IQCJ: variants seen among roughly 807,000 people sequenced by gnomAD.
IQCJ encodes the protein IQ motif containing J.
IQCJ carries 9 observed loss-of-function variants against 11.0 expected under a neutral mutation model. The ratio of observed to expected loss-of-function variants is 0.82; its 90% CI spans 0.49 to 1.43. The LOEUF (loss-of-function observed/expected upper bound fraction) is 1.43. IQCJ is among the 40% of genes most tolerant of loss of function. The probability of loss-of-function intolerance (pLI) is 0.00; values close to 1 mark genes in which losing one functional copy is unlikely to be tolerated. For missense variants in IQCJ, 146 were observed against 133.2 expected (o/e 1.10, Z -0.47); for synonymous variants, 55 against 51.3 (o/e 1.07, Z -0.31).
At chr3:159,125,819 G>T (rs1719648222) in intron 1 of IQCJ, among the ~76,000 whole-genome samples, 1 of 152,188 alleles carries the variant, frequency 6.6e-6, no homozygotes, top group Admixed American at 6.5e-5. Context: ...TGGCAGCCTT[G>T]ACCCCTACAG....
downstream of IQCJ, chr3:159,266,167 C>G (rs1390679014): frequency 3.3e-5 from 5 of 152,146 alleles, no homozygotes; most frequent in East Asian, 9.6e-4. Context: ...GAAAAAGAGA[C>G]TTAAAGAGAT....
At chr3:159,086,112 T>A (rs1424786731) in intron 1 of IQCJ, among the ~76,000 whole-genome samples, 1 of 152,198 alleles carries the variant, frequency 6.6e-6, no homozygotes, top group Non-Finnish European at 1.5e-5. Context: ...AAAGAAGGGA[T>A]CCAGTTTCAG....
chr3:159,188,003 G>A (rs545445011), intron 1 of IQCJ, among the ~76,000 whole-genome samples: 3 of 152,178 alleles, frequency 2.0e-5, no homozygotes, highest in Non-Finnish European at 2.9e-5. Context: ...CCAAGCTACC[G>A]ACCAGAGAGG....
intron 1 of IQCJ, among the ~76,000 whole-genome samples, chr3:159,190,119 C>G (rs982147476): frequency 2.6e-5 from 4 of 152,178 alleles, no homozygotes; most frequent in African/African-American, 9.7e-5. Flanking sequence ...TGATACGTGG[C>G]TGGCCCTAAG....
chr3:159,178,989 T>C (rs1333663254), intron 1 of IQCJ, among the ~76,000 whole-genome samples: 1 of 152,112 alleles, frequency 6.6e-6, no homozygotes, highest in Non-Finnish European at 1.5e-5. Flanking sequence ...TGCATATAAT[T>C]ATGCTAGAAA....
At chr3:159,139,689 C>A (rs1452790413) in intron 1 of IQCJ, among the ~76,000 whole-genome samples, 5 of 152,164 alleles carry the variant, frequency 3.3e-5, no homozygotes, top group African/African-American at 1.2e-4. Flanking sequence ...GGCTGGGACA[C>A]CTGCCAGGGT....
At chr3:159,207,661 A>T (rs1050225158) in intron 1 of IQCJ, among the ~76,000 whole-genome samples, 1 of 152,248 alleles carries the variant, frequency 6.6e-6, no homozygotes, top group Non-Finnish European at 1.5e-5. Flanking sequence ...CTGATCATTC[A>T]TCAAAAGCTG....
intron 1 of IQCJ, among the ~76,000 whole-genome samples, chr3:159,144,571 A>C (rs1720814725): frequency 6.6e-6 from 1 of 152,130 alleles, no homozygotes; most frequent in African/African-American, 2.4e-5. Context: ...AGCCACAACA[A>C]ATTCCCAGAT....
chr3:159,130,038 C>T (rs190715577), intron 1 of IQCJ, among the ~76,000 whole-genome samples: 1 of 152,208 alleles, frequency 6.6e-6, no homozygotes, highest in East Asian at 1.9e-4. Context: ...ACAGTTCCAC[C>T]ATAGGATTTC....
At chr3:159,184,488 A>G (rs1723273842) in intron 1 of IQCJ, among the ~76,000 whole-genome samples, 1 of 152,116 alleles carries the variant, frequency 6.6e-6, no homozygotes. Context: ...TCCCTCTCTC[A>G]ATTAAAATGT....
intron 1 of IQCJ, among the ~76,000 whole-genome samples, chr3:159,085,661 A>C (rs958711921): frequency 9.0e-4 from 136 of 150,308 alleles, no homozygotes; most frequent in Non-Finnish European, 1.5e-3. Context: ...CATTTCTCTG[A>C]TGGCCAGTGA....
intron 1 of IQCJ, among the ~76,000 whole-genome samples, chr3:159,070,429 C>T (rs1715489727): frequency 6.6e-6 from 1 of 152,008 alleles, no homozygotes; most frequent in Admixed American, 6.6e-5. Context: ...AATTCTTAAG[C>T]TAGAAAGATA....
chr3:159,194,880 A>C (rs920250337), intron 1 of IQCJ, among the ~76,000 whole-genome samples: 8 of 152,138 alleles, frequency 5.3e-5, no homozygotes, highest in African/African-American at 1.9e-4. Context: ...TGGGAGGCCG[A>C]AGTGGGCAGA....
chr3:159,079,969 A>T (rs529947114), intron 1 of IQCJ, among the ~76,000 whole-genome samples: 22 of 152,148 alleles, frequency 1.4e-4, no homozygotes, highest in Non-Finnish European at 2.4e-4. Context: ...TGCCAATTTT[A>T]CCCTCATTAT....
intron 1 of IQCJ, among the ~76,000 whole-genome samples, chr3:159,143,966 G>A (rs1253302684): frequency 6.6e-6 from 1 of 152,160 alleles, no homozygotes; most frequent in African/African-American, 2.4e-5. Context: ...GTTCAATGTT[G>A]TATCTTCACA....
chr3:159,144,240 G>A (rs1224512637), intron 1 of IQCJ, among the ~76,000 whole-genome samples: 1 of 152,180 alleles, frequency 6.6e-6, no homozygotes, highest in Non-Finnish European at 1.5e-5. Context: ...CATTTATTCA[G>A]TTGCAGATCC....
intron 1 of IQCJ, among the ~76,000 whole-genome samples, chr3:159,132,546 C>G (rs1485627416): frequency 1.3e-5 from 2 of 152,008 alleles, no homozygotes. Flanking sequence ...ATGTGGTTGC[C>G]AATATTTGGA....
intron 1 of IQCJ, among the ~76,000 whole-genome samples, chr3:159,088,920 T>C (rs1717015607): frequency 6.6e-6 from 1 of 152,182 alleles, no homozygotes; most frequent in Non-Finnish European, 1.5e-5. Flanking sequence ...TCCACTTACA[T>C]TTAAAGTTAA....
intron 1 of IQCJ, among the ~76,000 whole-genome samples, chr3:159,162,600 CA>C (rs1258507698): frequency 6.6e-6 from 1 of 151,998 alleles, no homozygotes; most frequent in Non-Finnish European, 1.5e-5. Context: ...GATAGAGACA[CA>C]AAAAACCCTT....
Sources: gnomAD v4.1 joint callset for allele counts (sites outside exome capture counted in the v4.1 genomes callset) on GRCh38, gnomAD v4.1.1 for gene constraint, MANE v1.5 for transcripts, NCBI Gene and HGNC (gene_info 2026-07-23, HGNC 2026-07-21) for gene names.